The following ANK1 variants were observed in gnomAD, a reference collection of about 807,000 sequenced individuals.
ANK1 encodes ankyrin-1.
ANK1 carries 51 observed loss-of-function variants against 210.4 expected under a neutral mutation model. That is an observed-to-expected ratio of 0.24 (90% CI 0.19 to 0.31). The LOEUF (loss-of-function observed/expected upper bound fraction) is 0.31. Ranked by LOEUF, ANK1 falls within the 10% of genes least tolerant of loss-of-function variation. ANK1 has a pLI of 1.00. For missense variants in ANK1, 2,051 were observed against 2,504.4 expected (o/e 0.82, Z 3.86); for synonymous variants, 967 against 1,025.9 (o/e 0.94, Z 1.10).
chr8:41,773,148 A>T (rs1586848872), intron 1 of ANK1, among the ~76,000 whole-genome samples: 1 of 152,134 alleles, frequency 6.6e-6, no homozygotes, highest in East Asian at 1.9e-4. Context: ...TTTCTATTTA[A>T]CTTTGTGTAG....
chr8:41,815,196 G>A (rs1803121565), intron 1 of ANK1, among the ~76,000 whole-genome samples: 1 of 152,110 alleles, frequency 6.6e-6, no homozygotes, highest in Non-Finnish European at 1.5e-5. Flanking sequence ...TTAATATTGA[G>A]AGACTCAGTT....
At chr8:41,876,501 T>C (rs895909083) in intron 1 of ANK1, among the ~76,000 whole-genome samples, 1 of 152,236 alleles carries the variant, frequency 6.6e-6, no homozygotes, top group Non-Finnish European at 1.5e-5. Flanking sequence ...ATGACCTGTC[T>C]TACAGATAAG....
chr8:41,819,290 T>G (rs1451756543), intron 1 of ANK1, among the ~76,000 whole-genome samples: 2 of 152,214 alleles, frequency 1.3e-5, no homozygotes, highest in Non-Finnish European at 2.9e-5. Flanking sequence ...TGTGGTGCAC[T>G]GTCGAGACTG....
At position 41,723,722 on chromosome 8, in the gene ANK1, AG is replaced by A. The variant is rs1356162900; in HGVS notation, c.712-90del. On this transcript the variant is annotated intron_variant, in intron 7 of 42. Coordinates refer to ENST00000289734, the MANE Select transcript of ANK1 (RefSeq NM_000037.4). ...CCCGCTCCCCTTGTCCCCAGCCCCC[AG>A]TCCCCAGGCCTGCAACAGCGTTGTC... 1.4e-5 allele frequency: 15 copies of A among 1,104,822 alleles called. No individual in the cohort carries two copies. The African/African-American group carries it at 1.9e-4, about 14-fold the overall frequency. 68.4% of individuals were successfully genotyped at this position (1,104,822 alleles called of 1,614,324 possible). A position where few individuals can be genotyped will look rare whatever the true frequency, so the allele number is the denominator to read the frequency against.
At chr8:41,682,286 C>G (rs1231210718) in intron 37 of ANK1, among the ~76,000 whole-genome samples, 1 of 152,196 alleles carries the variant, frequency 6.6e-6, no homozygotes, top group East Asian at 1.9e-4. Context: ...ATGGCTCCCA[C>G]CTCATCTCTG....
At chr8:41,691,451 T>C (rs1345743714) in intron 31 of ANK1, among the ~76,000 whole-genome samples, 1 of 152,218 alleles carries the variant, frequency 6.6e-6, no homozygotes, top group Non-Finnish European at 1.5e-5. Flanking sequence ...AAGGTTATAG[T>C]CCTGCACTTG....
upstream of ANK1, among the ~76,000 whole-genome samples, chr8:41,797,824 C>T (rs535980890): frequency 1.2e-4 from 19 of 152,086 alleles, 1 homozygote; most frequent in South Asian, 3.1e-3. The surrounding 1 kb of genome is among the most constrained non-coding windows in gnomAD (Gnocchi z 4.0). Context: ...CTGGTTGCCC[C>T]GGGGTCGAGA....
intron 1 of ANK1, among the ~76,000 whole-genome samples, chr8:41,885,456 G>C (rs1230458815): frequency 1.3e-5 from 2 of 152,222 alleles, no homozygotes; most frequent in Non-Finnish European, 2.9e-5. Context: ...AGATACCATA[G>C]TTAAGTGCAA....
chr8:41,849,352 C>T (rs1013074961), intron 1 of ANK1, among the ~76,000 whole-genome samples: 2 of 152,148 alleles, frequency 1.3e-5, no homozygotes, highest in African/African-American at 4.8e-5. Flanking sequence ...GGTGAAACCC[C>T]GTCTCTACTA....
In ANK1 at chr8:41,892,758, A is replaced by G. The variant is rs567062257; in HGVS notation, c.126+3597T>C. Among the ~76,000 whole-genome samples the G allele has an allele frequency of 3.9e-5, 6 of 152,282 alleles. No homozygotes were observed. The South Asian group carries it at 8.3e-4, about 21-fold the overall frequency. On this transcript the variant is annotated intron_variant, in intron 1 of 42. Coordinates refer to the ANK1 transcript ENST00000265709. ...GGAACACATGCCTGCAACCAAGACA[A>G]CATCTGGGCAAGCAGAGATTAATAT...
intron 39 of ANK1, 131 bp from the exon 40 acceptor site, chr8:41,663,873 G>A (rs915781222): frequency 2.2e-5 from 17 of 775,222 alleles, no homozygotes; most frequent in Middle Eastern, 2.6e-4. Flanking sequence ...CAGGAAACCC[G>A]GCTCAGCATG....
intron 1 of ANK1, among the ~76,000 whole-genome samples, chr8:41,760,661 T>C (rs1043991416): frequency 1.3e-5 from 2 of 152,224 alleles, no homozygotes; most frequent in Non-Finnish European, 2.9e-5. Context: ...TAGACACCGT[T>C]GGCTTCTATT....
chr8:41,733,251 A>G (rs796927811), intron 3 of ANK1, among the ~76,000 whole-genome samples: 5 of 152,314 alleles, frequency 3.3e-5, no homozygotes, highest in Admixed American at 2.0e-4. Context: ...ACGCCTCCTC[A>G]TGAAACAGAA....
intron 1 of ANK1, among the ~76,000 whole-genome samples, chr8:41,822,910 G>C (rs768629290): frequency 1.3e-5 from 2 of 152,238 alleles, no homozygotes; most frequent in Non-Finnish European, 2.9e-5. Context: ...TTTATCCCAG[G>C]CTGATCTGGG....
At chr8:41,869,048 C>A (rs906062501) in intron 1 of ANK1, among the ~76,000 whole-genome samples, 3 of 152,180 alleles carry the variant, frequency 2.0e-5, no homozygotes, top group African/African-American at 7.2e-5. Context: ...CAAAGCACAG[C>A]CCTGATTCTG....
chr8:41,769,960 TTTTTTTTTTCTTTTTTC>T (rs1345237459), intron 1 of ANK1, among the ~76,000 whole-genome samples: 22 of 139,910 alleles, frequency 1.6e-4, no homozygotes, highest in African/African-American at 5.6e-4. Flanking sequence ...ATATATCTTC[TTTTTTTTTTCTTTTTTC>T]TTTTTTTTTT....
chr8:41,891,422 C>T (rs1045835431), intron 1 of ANK1, among the ~76,000 whole-genome samples: 1 of 152,106 alleles, frequency 6.6e-6, no homozygotes, highest in Non-Finnish European at 1.5e-5. Context: ...GTGACTTGCT[C>T]CAGGCTCTGA....
intron 17 of ANK1, among the ~76,000 whole-genome samples, chr8:41,706,944 A>G (rs984605300): frequency 4.6e-5 from 7 of 152,194 alleles, no homozygotes; most frequent in Non-Finnish European, 7.4e-5. Context: ...TACTAAAAAT[A>G]CAAAAATAAG....
chr8:41,782,340 A>G (rs1018943253), intron 1 of ANK1, among the ~76,000 whole-genome samples: 3 of 152,192 alleles, frequency 2.0e-5, no homozygotes, highest in Non-Finnish European at 4.4e-5. Context: ...TTTGCCTGGC[A>G]TTTCTTGGGT....
Sources: gnomAD v4.1 joint callset for allele counts (sites outside exome capture counted in the v4.1 genomes callset) on GRCh38, gnomAD v4.1.1 for gene constraint, Gnocchi (gnomAD v3.1) non-coding constraint, MANE v1.5 for transcripts, NCBI Gene and HGNC (gene_info 2026-07-23, HGNC 2026-07-21) for gene names.